The following IQSEC3 variants were observed in gnomAD, a reference collection of about 807,000 sequenced individuals.
IQSEC3 encodes the protein IQ motif and SEC7 domain-containing protein 3.
IQSEC3 carries 50 observed loss-of-function variants against 105.4 expected under a neutral mutation model. That is an observed-to-expected ratio of 0.47 (90% confidence interval 0.38 to 0.60). The LOEUF (loss-of-function observed/expected upper bound fraction) is 0.60, where lower values mean the gene tolerates loss of function less well. IQSEC3 is among the 20% of genes least tolerant of loss of function. The pLI is 0.00. For missense variants in IQSEC3, 1,415 were observed against 1,630.0 expected (o/e 0.87, Z 2.27); for synonymous variants, 708 against 746.0 (o/e 0.95, Z 0.83).
intron 5 of IQSEC3, chr12:142,464 C>T (rs913655206): frequency 7.2e-5 from 11 of 152,172 alleles, no homozygotes; most frequent in African/African-American, 2.4e-4. Flanking sequence ...TCCACTGACG[C>T]GGTGGTTTTC....
chr12:139,105 CGGA>C lies in IQSEC3; in HGVS notation c.1745_1747del (p.Glu582del), dbSNP rs782422856. On this transcript the variant is annotated inframe_deletion, in exon 4 of 14. Coordinates refer to ENST00000538872, the MANE Select transcript of IQSEC3 (RefSeq NM_001170738.2). Reference sequence around the variant, plus strand: ...GAGGAAGAGGAGGAGGAGGAGACGGCGGAGGTGGGGAGAGGGGCCGAGGCCGAG... The same window carrying C: ...GAGGAAGAGGAGGAGGAGGAGACGGCGGTGGGGAGAGGGGCCGAGGCCGAG... The C allele has an allele frequency of 9.3e-6, 14 of 1,503,388 alleles. No homozygotes were observed. The highest frequency in any genetic ancestry group is 1.2e-5 in the Non-Finnish European group (13 of 1,124,976). The allele number at this position is 1,503,388 out of a possible 1,614,324, so 93.1% of individuals were successfully genotyped here. A position where few individuals can be genotyped will look rare whatever the true frequency, so the allele number is the denominator to read the frequency against.
intron 5 of IQSEC3, among the ~76,000 whole-genome samples, chr12:154,840 CCT>C (rs141587235): frequency 0.11 from 17,398 of 152,048 alleles, 1,232 homozygotes; most frequent in South Asian, 0.26. Context: ...CGATCTCTCT[CCT>C]GCCTTTTCCT....
chr12:83,350 A>G (rs1289256941), intron 1 of IQSEC3, among the ~76,000 whole-genome samples: 2 of 152,154 alleles, frequency 1.3e-5, no homozygotes, highest in Non-Finnish European at 2.9e-5. Context: ...ATTCCAGAGG[A>G]GAAGGCAGAT....
rs56871643 is a variant in IQSEC3 at position 126,544 on chromosome 12, G to GGTGT, written c.903+658_903+661dup. Among the ~76,000 whole-genome samples the GGTGT allele has an allele frequency of 0.023, 3,339 of 145,756 alleles. 196 individuals are homozygous for GGTGT. In the East Asian group the frequency reaches 0.25, roughly 11 times the overall value. ...TTGGCAGACAAGAGTCTTGATGGAAGGTGTGTGTGTGTGTGTGTGTGTGTG... is the reference window on the plus strand; with the variant it reads ...TTGGCAGACAAGAGTCTTGATGGAAGGTGTGTGTGTGTGTGTGTGTGTGTGTGTG... On this transcript the variant is annotated intron_variant, in intron 3 of 13. Coordinates refer to ENST00000538872, the MANE Select transcript of IQSEC3 (RefSeq NM_001170738.2).
chr12:70,658 C>T (rs1387685247), intron 1 of IQSEC3, among the ~76,000 whole-genome samples: 1 of 152,284 alleles, frequency 6.6e-6, no homozygotes, highest in African/African-American at 2.4e-5. Context: ...GCCATGGAAG[C>T]ACATGAACTT....
chr12:141,524 G>A (rs1555089302), intron 5 of IQSEC3: 1 of 486,858 alleles, frequency 2.1e-6, no homozygotes, highest in African/African-American at 1.9e-5. Flanking sequence ...AGGCAGCAGG[G>A]ATACAGAAAT....
intron 13 of IQSEC3, among the ~76,000 whole-genome samples, chr12:171,918 C>T (rs1225708355): frequency 6.6e-6 from 1 of 152,094 alleles, no homozygotes; most frequent in Non-Finnish European, 1.5e-5. Flanking sequence ...AGCAGCTGGT[C>T]CCTGCCAAAC....
rs185511867 is a variant in IQSEC3, at chr12:89,319, G to A, written c.555-9827G>A. Among the ~76,000 whole-genome samples, 3 of 152,178 alleles carry A rather than the reference G, an allele frequency of 2.0e-5. No individual in the cohort carries two copies. In the South Asian group the frequency reaches 6.2e-4, roughly 32 times the overall value. ...TGTCTTTTTCTACTGCTTGGAAGGGGGTTAATCATTAGGTGATCTGGGGGC... is the reference window on the plus strand; with the variant it reads ...TGTCTTTTTCTACTGCTTGGAAGGGAGTTAATCATTAGGTGATCTGGGGGC... On this transcript the variant is annotated intron_variant, in intron 1 of 13. Coordinates refer to ENST00000538872, the MANE Select transcript of IQSEC3 (RefSeq NM_001170738.2).
chr12:125,935 G>A (rs1048306589), intron 3 of IQSEC3, 23 bp downstream of exon 3: 60 of 1,526,756 alleles, frequency 3.9e-5, no homozygotes, highest in East Asian at 4.9e-5. Flanking sequence ...TCCTAGGGGG[G>A]CGGGGAGGGT....
chr12:134,861 C>T (rs536358939), intron 3 of IQSEC3, among the ~76,000 whole-genome samples: 1 of 151,846 alleles, frequency 6.6e-6, no homozygotes, highest in East Asian at 1.9e-4. Flanking sequence ...CACGGTGGCT[C>T]ACGCCTGTAA....
At chr12:156,985 G>A in intron 5 of IQSEC3, 40 bp from the exon 6 acceptor site, 1 of 1,533,552 alleles carries the variant, frequency 6.5e-7, no homozygotes, top group Non-Finnish European at 8.8e-7. Context: ...AGGGTGCTTA[G>A]GGTGCCACCT....
At chr12:114,145 C>T (rs1864980759) in intron 2 of IQSEC3, among the ~76,000 whole-genome samples, 1 of 152,208 alleles carries the variant, frequency 6.6e-6, no homozygotes, top group Non-Finnish European at 1.5e-5. Context: ...GTAAGGACTG[C>T]ATACGTGCTA....
intron 2 of IQSEC3, among the ~76,000 whole-genome samples, chr12:102,292 G>C (rs576175032): frequency 1.6e-4 from 24 of 152,176 alleles, no homozygotes; most frequent in Non-Finnish European, 5.9e-5. Context: ...GGATTTCTGG[G>C]ATCAGCAGTT....
intron 1 of IQSEC3, among the ~76,000 whole-genome samples, chr12:83,832 G>A (rs997053648): frequency 1.3e-5 from 2 of 152,158 alleles, no homozygotes; most frequent in Admixed American, 6.5e-5. Flanking sequence ...CTTGTTTGGT[G>A]TCCACTCATT....
chr12:126,235 G>A (rs1865402171), intron 3 of IQSEC3, among the ~76,000 whole-genome samples: 1 of 152,218 alleles, frequency 6.6e-6, no homozygotes. Context: ...TCTCTGGGGT[G>A]TCCCCACCTC....
At chr12:144,847 G>GT (rs1866196038) in intron 5 of IQSEC3, among the ~76,000 whole-genome samples, 6 of 152,296 alleles carry the variant, frequency 3.9e-5, no homozygotes, top group African/African-American at 1.4e-4. Flanking sequence ...TTCGCTTTTG[G>GT]TTTTTTTGAG....
rs782652265 is a variant in IQSEC3 at position 138,293 on chromosome 12, C to T, written c.930C>T (p.Gly310=). ...TTGAAATGCTAGAACATAAGTACGG[C>T]GGTCACCTGGTGTCCCGGCGCGCCG... The part of the protein sequence containing the change: ...KQIEMLEHKY[G]GHLVSRRAAC... Residue 310 remains glycine (G), a synonymous_variant, in exon 4 of 14, where the codon GGC becomes GGT. Transcript: ENST00000538872. The surrounding 1 kb of genome is among the most constrained non-coding windows in gnomAD (Gnocchi z 7.1). The T allele has an allele frequency of 9.3e-6, 15 of 1,613,442 alleles. No homozygotes were observed. The highest frequency in any genetic ancestry group is 2.2e-5 in the South Asian group (2 of 91,030).
At chr12:119,995 A>G (rs1158112690) in intron 2 of IQSEC3, among the ~76,000 whole-genome samples, 1 of 152,316 alleles carries the variant, frequency 6.6e-6, no homozygotes, top group South Asian at 2.1e-4. Context: ...AGTGGAGAAT[A>G]AATAATATCT....
At chr12:93,785 G>A (rs1443805506) in intron 1 of IQSEC3, among the ~76,000 whole-genome samples, 5 of 152,148 alleles carry the variant, frequency 3.3e-5, no homozygotes, top group African/African-American at 7.2e-5. Context: ...GCTTCCTCAC[G>A]AATAGATTAA....
Sources: allele counts gnomAD v4.1 joint callset (sites outside exome capture counted in the v4.1 genomes callset), GRCh38; gene constraint gnomAD v4.1.1; non-coding constraint Gnocchi (gnomAD v3.1); transcripts MANE v1.5; gene names NCBI Gene and HGNC (gene_info 2026-07-23, HGNC 2026-07-21).